Variants in ANKS1B observed in about 807,000 individuals in gnomAD.
The protein encoded by ANKS1B is ankyrin repeat and sterile alpha motif domain containing 1B.
ANKS1B carries 36 observed loss-of-function variants against 148.3 expected under a neutral mutation model. The ratio of observed to expected loss-of-function variants is 0.24; its 90% CI spans 0.19 to 0.32. The LOEUF (loss-of-function observed/expected upper bound fraction) is 0.32. Among genes scored for constraint, ANKS1B ranks in the 10% least tolerant of loss-of-function variants. ANKS1B has a pLI of 1.00. For missense variants in ANKS1B, 1,157 were observed against 1,542.6 expected, an observed-to-expected ratio of 0.75 and a Z score of 4.19; for synonymous variants, 542 against 560.8, an observed-to-expected ratio of 0.97 and a Z score of 0.47.
At chr12:99,767,901 A>G (rs1025004419) in intron 8 of ANKS1B, among the ~76,000 whole-genome samples, 15 of 152,146 alleles carry the variant, frequency 9.9e-5, no homozygotes, top group African/African-American at 3.6e-4. Flanking sequence ...TCAAACTACC[A>G]TATTATAGCT....
intron 8 of ANKS1B, among the ~76,000 whole-genome samples, chr12:99,761,170 T>C (rs985969641): frequency 1.3e-5 from 2 of 149,930 alleles, no homozygotes; most frequent in African/African-American, 4.9e-5. Flanking sequence ...TTCCAAAAAA[T>C]TGAGGAGAAT....
chr12:99,591,354 A>G (rs1422821599), intron 9 of ANKS1B, among the ~76,000 whole-genome samples: 1 of 152,080 alleles, frequency 6.6e-6, no homozygotes, highest in Non-Finnish European at 1.5e-5. Context: ...CAGGATAAAG[A>G]GCAAAGAAAA....
At chr12:99,410,644 G>A (rs2094668150) in intron 11 of ANKS1B, among the ~76,000 whole-genome samples, 1 of 152,140 alleles carries the variant, frequency 6.6e-6, no homozygotes, top group African/African-American at 2.4e-5. Context: ...ACTCCAGCCT[G>A]GGCAACAGGG....
At chr12:99,665,277 A>C (rs2153458963) in intron 8 of ANKS1B, among the ~76,000 whole-genome samples, 1 of 152,248 alleles carries the variant, frequency 6.6e-6, no homozygotes, top group African/African-American at 2.4e-5. Flanking sequence ...GCAACACTTA[A>C]TTTTAGTTAT....
rs9645788 is a variant in ANKS1B, at chr12:98,860,293, G to A, written c.2779-28157C>T. Among the ~76,000 whole-genome samples the A allele has an allele frequency of 8.6e-3, 1,311 of 152,348 alleles. 11 individuals are homozygous for A. Among genetic ancestry groups the A allele is most frequent in the Middle Eastern group, 0.044 (13 of 294 alleles). On this transcript the variant is annotated intron_variant, in intron 17 of 26. Transcript: ENST00000683438. ...TCGCATTGCATGCTGAAGCTGTCCT[G>A]TGTCAGCTCTTCAAACTGGGGCCTC...
chr12:98,812,941 A>T (rs2099109583), intron 19 of ANKS1B, among the ~76,000 whole-genome samples: 1 of 152,194 alleles, frequency 6.6e-6, no homozygotes, highest in Non-Finnish European at 1.5e-5. Context: ...AGAGCAAGCG[A>T]CTTAAGGCAG....
chr12:99,151,410 C>T (rs193111106), intron 15 of ANKS1B, among the ~76,000 whole-genome samples: 2 of 151,904 alleles, frequency 1.3e-5, no homozygotes, highest in Non-Finnish European at 2.9e-5. Flanking sequence ...CACCTGTAAT[C>T]CCAGCTACTT....
At chr12:99,188,742 G>A (rs533620283) in intron 14 of ANKS1B, among the ~76,000 whole-genome samples, 116 of 152,150 alleles carry the variant, frequency 7.6e-4, no homozygotes, top group Middle Eastern at 3.4e-3. Flanking sequence ...AGCAGAAAAC[G>A]GGAAAGATCT....
At chr12:99,071,447 G>C (rs1308205808) in intron 16 of ANKS1B, among the ~76,000 whole-genome samples, 1 of 152,182 alleles carries the variant, frequency 6.6e-6, no homozygotes, top group Non-Finnish European at 1.5e-5. Context: ...TCGTGTAAAT[G>C]CACACAGTTC....
At chr12:99,034,249 A>C (rs773836417) in intron 17 of ANKS1B, among the ~76,000 whole-genome samples, 1 of 152,236 alleles carries the variant, frequency 6.6e-6, no homozygotes, top group Non-Finnish European at 1.5e-5. Flanking sequence ...GGCAGGGCAG[A>C]GAGCAGAGTA....
At chr12:98,879,335 C>G (rs922644635) in intron 17 of ANKS1B, among the ~76,000 whole-genome samples, 2 of 152,188 alleles carry the variant, frequency 1.3e-5, no homozygotes, top group Non-Finnish European at 2.9e-5. Context: ...CACCATTTTA[C>G]AGATGAGCAA....
intron 14 of ANKS1B, among the ~76,000 whole-genome samples, chr12:99,215,453 A>G (rs1452462486): frequency 6.6e-6 from 1 of 152,148 alleles, no homozygotes; most frequent in Admixed American, 6.5e-5. Context: ...GACAGCTTGT[A>G]CCGTGTGTCT....
intron 9 of ANKS1B, among the ~76,000 whole-genome samples, chr12:99,566,016 T>C (rs2153216205): frequency 6.6e-6 from 1 of 152,284 alleles, no homozygotes; most frequent in South Asian, 2.1e-4. Flanking sequence ...TTGTACTGAA[T>C]ACGCTGACAT....
At chr12:99,148,631 C>G (rs2073971048) in intron 15 of ANKS1B, among the ~76,000 whole-genome samples, 1 of 152,102 alleles carries the variant, frequency 6.6e-6, no homozygotes, top group Admixed American at 6.6e-5. Flanking sequence ...TTCTAGACTA[C>G]TCATTAGATT....
At chr12:99,772,713 G>C in intron 8 of ANKS1B, 1 of 387,502 alleles carries the variant, frequency 2.6e-6, no homozygotes, top group Non-Finnish European at 4.6e-6. Context: ...TAAAAGTAGA[G>C]AGACCATGAA....
chr12:99,275,705 C>T (rs918366270), intron 12 of ANKS1B, among the ~76,000 whole-genome samples: 6 of 152,188 alleles, frequency 3.9e-5, no homozygotes, highest in Admixed American at 3.9e-4. Flanking sequence ...TACCTGGCCA[C>T]TTAGTGTCAC....
intron 8 of ANKS1B, among the ~76,000 whole-genome samples, chr12:99,751,854 A>G (rs2153595945): frequency 6.6e-6 from 1 of 152,224 alleles, no homozygotes; most frequent in Non-Finnish European, 1.5e-5. Flanking sequence ...ACAAATTGGA[A>G]TGAAGGTTCA....
intron 17 of ANKS1B, among the ~76,000 whole-genome samples, chr12:98,996,092 T>C (rs779840933): frequency 2.6e-5 from 4 of 152,014 alleles, no homozygotes; most frequent in Non-Finnish European, 4.4e-5. Flanking sequence ...TCATGGGACA[T>C]TGGGTAGAAT....
At chr12:98,813,169 T>C (rs1190558210) in intron 19 of ANKS1B, among the ~76,000 whole-genome samples, 2 of 152,132 alleles carry the variant, frequency 1.3e-5, no homozygotes, top group East Asian at 3.8e-4. Context: ...TAAAATTTCA[T>C]CTGGGGCCCA....
Sources: allele counts gnomAD v4.1 joint callset (sites outside exome capture counted in the v4.1 genomes callset), GRCh38; gene constraint gnomAD v4.1.1; transcripts MANE v1.5; gene names NCBI Gene and HGNC (gene_info 2026-07-23, HGNC 2026-07-21).